RGS7: variants seen among roughly 807,000 people sequenced by gnomAD.
The protein encoded by RGS7 is regulator of G protein signaling 7, also known as regulator of G-protein signaling 7.
Under a neutral mutation model 81.1 loss-of-function variants are expected in RGS7, and 27 were observed. That is an observed-to-expected ratio of 0.33 (90% confidence interval 0.25 to 0.46). The LOEUF (loss-of-function observed/expected upper bound fraction) is 0.46, where lower values mean the gene tolerates loss of function less well. Among genes scored for constraint, RGS7 ranks in the 20% least tolerant of loss-of-function variants. The probability of loss-of-function intolerance (pLI) is 1.00; values close to 1 mark genes in which losing one functional copy is unlikely to be tolerated. For synonymous variants in RGS7, 208 were observed against 207.7 expected (o/e 1.00, Z -0.01); for missense variants, 396 against 607.4 (o/e 0.65, Z 3.66).
chr1:241,110,129 T>C (rs913660035), intron 2 of RGS7, among the ~76,000 whole-genome samples: 5 of 152,232 alleles, frequency 3.3e-5, no homozygotes, highest in African/African-American at 1.2e-4. Flanking sequence ...CTATTGACTT[T>C]CAACAACTAA....
At chr1:240,962,539 T>C (rs1165033822) in intron 4 of RGS7, among the ~76,000 whole-genome samples, 1 of 152,172 alleles carries the variant, frequency 6.6e-6, no homozygotes, top group Admixed American at 6.5e-5. Context: ...CAGCTCTGTC[T>C]ATAGGAAGTC....
intron 2 of RGS7, among the ~76,000 whole-genome samples, chr1:241,132,951 A>C (rs1223528430): frequency 6.6e-6 from 1 of 151,984 alleles, no homozygotes; most frequent in Admixed American, 6.6e-5. Context: ...TTTAGTAGAG[A>C]TGGGGTTTCA....
intron 3 of RGS7, among the ~76,000 whole-genome samples, chr1:241,011,371 A>G (rs1055541476): frequency 6.6e-6 from 1 of 152,150 alleles, no homozygotes; most frequent in Non-Finnish European, 1.5e-5. Flanking sequence ...CAGCCTCATG[A>G]AAGAGGCCAT....
At chr1:241,011,895 A>T (rs190290826) in intron 3 of RGS7, among the ~76,000 whole-genome samples, 23 of 152,254 alleles carry the variant, frequency 1.5e-4, no homozygotes, top group Non-Finnish European at 3.1e-4. Flanking sequence ...CCTAAGGTGG[A>T]TGCATTCCTC....
intron 9 of RGS7, among the ~76,000 whole-genome samples, chr1:240,835,352 C>A (rs1410167528): frequency 6.6e-6 from 1 of 152,178 alleles, no homozygotes. Context: ...TGCTCCACAT[C>A]GTATGTCATT....
chr1:240,844,353 C>T (rs1263986521), intron 9 of RGS7, among the ~76,000 whole-genome samples: 1 of 152,172 alleles, frequency 6.6e-6, no homozygotes, highest in Admixed American at 6.5e-5. Context: ...CAATACTATC[C>T]TCTATCCACT....
intron 2 of RGS7, among the ~76,000 whole-genome samples, chr1:241,310,361 G>A (rs1001657934): frequency 2.0e-5 from 3 of 150,110 alleles, no homozygotes; most frequent in African/African-American, 7.3e-5. Context: ...ACGAAGGTGT[G>A]AGAGTGTGTG....
intron 3 of RGS7, among the ~76,000 whole-genome samples, chr1:241,071,874 C>CAAAAAAAAAAAAAAAAAAAAAA (rs58217460): frequency 3.5e-4 from 20 of 56,844 alleles, no homozygotes; most frequent in African/African-American, 7.8e-4. Context: ...GAGACCCTGT[C>CAAAAAAAAAAAAAAAAAAAAAA]AAAAAAAAAA....
At chr1:240,797,191 A>G (rs560396993) in intron 18 of RGS7, among the ~76,000 whole-genome samples, 1 of 152,324 alleles carries the variant, frequency 6.6e-6, no homozygotes, top group South Asian at 2.1e-4. Flanking sequence ...ACACAAAGAC[A>G]AGACAGAAGG....
intron 3 of RGS7, among the ~76,000 whole-genome samples, chr1:241,016,541 A>G (rs564991460): frequency 2.0e-5 from 3 of 148,598 alleles, no homozygotes; most frequent in Non-Finnish European, 4.4e-5. Flanking sequence ...AACAAAAATC[A>G]ACAACAACAA....
At chr1:240,970,627 C>G (rs1348552391) in intron 4 of RGS7, among the ~76,000 whole-genome samples, 1 of 152,194 alleles carries the variant, frequency 6.6e-6, no homozygotes, top group Non-Finnish European at 1.5e-5. Context: ...TTCTCACTTT[C>G]TGTACACTAG....
chr1:240,930,185 T>C (rs973218191), intron 6 of RGS7, among the ~76,000 whole-genome samples: 4 of 151,728 alleles, frequency 2.6e-5, no homozygotes, highest in Admixed American at 2.0e-4. Context: ...CTAAGTTCAC[T>C]GAACTTGATT....
intron 3 of RGS7, among the ~76,000 whole-genome samples, chr1:240,991,937 A>G (rs1355249809): frequency 6.6e-6 from 1 of 152,216 alleles, no homozygotes; most frequent in Non-Finnish European, 1.5e-5. Flanking sequence ...TCTATGAAGG[A>G]CATAGGAGAT....
At chr1:241,207,248 T>TTCTTTCTCTC (rs1553284651) in intron 2 of RGS7, among the ~76,000 whole-genome samples, 1 of 149,910 alleles carries the variant, frequency 6.7e-6, no homozygotes, top group South Asian at 2.1e-4. Context: ...GTTTCTTTCT[T>TTCTTTCTCTC]TCTCTCTCTC....
chr1:241,135,620 T>C (rs1319628400), intron 2 of RGS7, among the ~76,000 whole-genome samples: 2 of 152,090 alleles, frequency 1.3e-5, no homozygotes. Context: ...TACTAAACTC[T>C]GGGGCTCCCA....
At chr1:241,025,236 G>C (rs498319) in intron 3 of RGS7, among the ~76,000 whole-genome samples, 38,337 of 152,164 alleles carry the variant, frequency 0.25, 5,596 homozygotes, top group Non-Finnish European at 0.33. Context: ...GGACAGGTCA[G>C]TGGTTAGCAG....
At chr1:240,783,268 A>G (rs1312282180) in intron 18 of RGS7, among the ~76,000 whole-genome samples, 1 of 152,184 alleles carries the variant, frequency 6.6e-6, no homozygotes, top group African/African-American at 2.4e-5. Flanking sequence ...CAACCTATGT[A>G]TTTGTCCTTA....
intron 18 of RGS7, among the ~76,000 whole-genome samples, chr1:240,793,913 T>C (rs1448222203): frequency 2.0e-5 from 3 of 151,908 alleles, no homozygotes; most frequent in Non-Finnish European, 4.4e-5. Context: ...TGCCCAGCCA[T>C]AGTAGGAATT....
chr1:240,936,449 G>A lies in RGS7; in HGVS notation c.333+151C>T, dbSNP rs1467550071. On this transcript the variant is annotated intron_variant, in intron 5 of 18. Coordinates refer to ENST00000440928, the MANE Select transcript of RGS7 (RefSeq NM_001364886.1). Reference sequence around the variant, plus strand: ...TTTCTCTGTGTTTATTGCTTTTTATGTCTTTAGTTTAATGTTAATCAGTTT... The same window carrying A: ...TTTCTCTGTGTTTATTGCTTTTTATATCTTTAGTTTAATGTTAATCAGTTT... 4 of 648,144 alleles carry A rather than the reference G, an allele frequency of 6.2e-6. No individual in the cohort carries two copies. The East Asian group carries it at 8.3e-5, about 13-fold the overall frequency. The allele number at this position is 648,144 out of a possible 1,614,324, so 40.1% of individuals were successfully genotyped here. A position where few individuals can be genotyped will look rare whatever the true frequency, so the allele number is the denominator to read the frequency against.
Sources: gnomAD v4.1 joint callset for allele counts (sites outside exome capture counted in the v4.1 genomes callset) on GRCh38, gnomAD v4.1.1 for gene constraint, MANE v1.5 for transcripts, NCBI Gene and HGNC (gene_info 2026-07-23, HGNC 2026-07-21) for gene names.